The following ZDHHC21 variants were observed in gnomAD, a reference collection of about 807,000 sequenced individuals.
The protein encoded by ZDHHC21 is zDHHC palmitoyltransferase 21, also known as palmitoyltransferase ZDHHC21.
In ZDHHC21, 15 loss-of-function variants were observed where a neutral mutation model predicts 34.6. That is an observed-to-expected ratio of 0.43 (90% CI 0.29 to 0.67). ZDHHC21 has a LOEUF of 0.67. Among genes scored for constraint, ZDHHC21 ranks in the 30% least tolerant of loss-of-function variants. The pLI is 0.14. For synonymous variants in ZDHHC21, 142 were observed against 101.8 expected, an observed-to-expected ratio of 1.40 and a Z score of -2.38; for missense variants, 344 against 327.7, an observed-to-expected ratio of 1.05 and a Z score of -0.38.
chr9:14,674,125 C>A, intron 4 of ZDHHC21, 62 bp downstream of exon 4: 2 of 1,206,378 alleles, frequency 1.7e-6, no homozygotes, highest in Non-Finnish European at 2.2e-6. Context: ...TGGCACTACA[C>A]CCCAAAAACG....
intron 8 of ZDHHC21, among the ~76,000 whole-genome samples, chr9:14,628,744 T>C (rs1005251597): frequency 6.6e-6 from 1 of 152,208 alleles, no homozygotes; most frequent in Non-Finnish European, 1.5e-5. Flanking sequence ...TTTCTTGTAA[T>C]CTTAATTTTA....
At chr9:14,674,501 C>A in intron 3 of ZDHHC21, 116 bp from the exon 4 acceptor site, 5 of 561,252 alleles carry the variant, frequency 8.9e-6, no homozygotes, top group Non-Finnish European at 1.5e-5. Context: ...TTGACATTTT[C>A]TTTCTGTAGT....
In ZDHHC21 at chr9:14,613,130, A is replaced by T. The variant is rs1035325351; in HGVS notation, c.*5836T>A. The T allele has an allele frequency of 4.6e-5, 7 of 151,852 alleles. No homozygotes were observed. The highest frequency in any genetic ancestry group is 2.1e-4 in the South Asian group (1 of 4,826). 9.4% of individuals were successfully genotyped at this position (151,852 alleles called of 1,614,324 possible). ...TAAAATACAAAATTAAAATCCATAC[A>T]TGCCTACCTAAAAAAAAATCCAAAT... is the stretch of plus-strand genomic sequence containing the variant. On this transcript the variant is annotated 3_prime_UTR_variant, in exon 10 of 10. Coordinates refer to ENST00000380916, the MANE Select transcript of ZDHHC21 (RefSeq NM_178566.6).
chr9:14,616,296 A>G lies in ZDHHC21; in HGVS notation c.*2670T>C, dbSNP rs1370595769. The G allele has an allele frequency of 6.6e-6, 1 of 151,792 alleles. No homozygotes were observed. Among genetic ancestry groups the G allele is most frequent in the Non-Finnish European group, 1.5e-5 (1 of 67,768 alleles). The allele number at this position is 151,792 out of a possible 1,614,324, so 9.4% of individuals were successfully genotyped here. ...AATAAGGTTTAAAATAAAATACATA[A>G]AATGGCTTAGTTTATCCTAATCTGA... On this transcript the variant is annotated 3_prime_UTR_variant, in exon 10 of 10. Transcript: ENST00000380916.
At chr9:14,688,388 T>G (rs1257174162) in intron 2 of ZDHHC21, among the ~76,000 whole-genome samples, 1 of 150,840 alleles carries the variant, frequency 6.6e-6, no homozygotes. Context: ...AACTCCAGAA[T>G]GAAACAACGT....
chr9:14,685,357 G>GA (rs1475248138), intron 2 of ZDHHC21, among the ~76,000 whole-genome samples: 8 of 151,326 alleles, frequency 5.3e-5, no homozygotes, highest in African/African-American at 1.2e-4. Flanking sequence ...AAATTTACAA[G>GA]AAAAAAACAA....
chr9:14,684,038 G>C (rs10961662), intron 2 of ZDHHC21, among the ~76,000 whole-genome samples: 42,548 of 152,068 alleles, frequency 0.28, 6,406 homozygotes, highest in South Asian at 0.39. Context: ...ATTAGGTATT[G>C]AAGGGACGTA....
At chr9:14,602,699 C>T in the ZDHHC21 span, among the ~76,000 whole-genome samples, 3 of 151,762 alleles carry the variant, frequency 2.0e-5, no homozygotes, top group East Asian at 3.9e-4. Context: ...ATTGCTGAAA[C>T]GAAAAGAAAC....
chr9:14,650,787 G>C (rs1831111947), intron 7 of ZDHHC21, among the ~76,000 whole-genome samples: 1 of 151,940 alleles, frequency 6.6e-6, no homozygotes, highest in Non-Finnish European at 1.5e-5. Context: ...CCTAGCAGAA[G>C]AGTTGGCTAG....
At position 14,662,342 on chromosome 9, in the gene ZDHHC21, T is replaced by A. The variant is rs1381398540; in HGVS notation, c.254-16A>T. On this transcript the variant is annotated splice_polypyrimidine_tract_variant and intron_variant, in intron 5 of 9. Coordinates refer to ENST00000380916, the MANE Select transcript of ZDHHC21 (RefSeq NM_178566.6). Reference sequence around the variant, plus strand: ...AACTCCCTTTCTAAAGAAAAGAAATTAAAATCCATTTAATGAAGGCAAGTG... The same window carrying A: ...AACTCCCTTTCTAAAGAAAAGAAATAAAAATCCATTTAATGAAGGCAAGTG... 1.9e-6 allele frequency: 3 copies of A among 1,584,806 alleles called. No individual in the cohort carries two copies. Among genetic ancestry groups the A allele is most frequent in the South Asian group, 1.1e-5 (1 of 87,050 alleles).
rs1029464801 is a variant in ZDHHC21 at position 14,613,964 on chromosome 9, G to A, written c.*5002C>T. ...ACTAAAATATTTATAAAAGGCATCT[G>A]ACCAACTGAAGAGAAACCGCAATAT... is the stretch of plus-strand genomic sequence containing the variant. On this transcript the variant is annotated 3_prime_UTR_variant, in exon 10 of 10. Transcript: ENST00000380916. The A allele has an allele frequency of 2.0e-5, 3 of 151,698 alleles. No individual in the cohort carries two copies. Among genetic ancestry groups the A allele is most frequent in the East Asian group, 1.9e-4 (1 of 5,188 alleles). 9.4% of individuals were successfully genotyped at this position (151,698 alleles called of 1,614,324 possible).
chr9:14,602,695 G>A, the ZDHHC21 span, among the ~76,000 whole-genome samples: 1 of 152,084 alleles, frequency 6.6e-6, no homozygotes, highest in Admixed American at 6.6e-5. Flanking sequence ...TTAAATTGCT[G>A]AAACGAAAAG....
intron 8 of ZDHHC21, among the ~76,000 whole-genome samples, chr9:14,626,818 C>T (rs1197156505): frequency 1.3e-5 from 2 of 151,766 alleles, no homozygotes; most frequent in Non-Finnish European, 1.5e-5. Context: ...AAAGAAGGGA[C>T]ACTTTAAATT....
rs1823318001 is a variant in ZDHHC21, at chr9:14,611,641, A to C, written c.*7325T>G. The C allele has an allele frequency of 6.6e-6, 1 of 151,974 alleles. No individual in the cohort carries two copies. The highest frequency in any genetic ancestry group is 2.4e-5 in the African/African-American group (1 of 41,380). 9.4% of individuals were successfully genotyped at this position (151,974 alleles called of 1,614,324 possible). ...AGACAGAACTTGGGGTTCACACATA[A>C]TTTTAGGAGCCTCAAGAATAACATA... On this transcript the variant is annotated 3_prime_UTR_variant, in exon 10 of 10. Transcript: ENST00000380916.
At chr9:14,598,187 C>T in the ZDHHC21 span, among the ~76,000 whole-genome samples, 1 of 152,012 alleles carries the variant, frequency 6.6e-6, no homozygotes, top group Non-Finnish European at 1.5e-5. Context: ...ATGTATGCTG[C>T]CCAAAGACCC....
chr9:14,615,731 G>A lies in ZDHHC21; in HGVS notation c.*3235C>T, dbSNP rs989358561. 3 of 151,490 alleles carry A rather than the reference G, an allele frequency of 2.0e-5. No individual in the cohort carries two copies. The highest frequency in any genetic ancestry group is 3.0e-5 in the Non-Finnish European group (2 of 67,676). 9.4% of individuals were successfully genotyped at this position (151,490 alleles called of 1,614,324 possible). On this transcript the variant is annotated 3_prime_UTR_variant, in exon 10 of 10. Transcript: ENST00000380916. ...ATTTTTGTTTGCAGAAAACAACAAT[G>A]ACAAATATGATTGTTAAGGAGGTGT... is the stretch of plus-strand genomic sequence containing the variant.
the ZDHHC21 span, among the ~76,000 whole-genome samples, chr9:14,606,058 C>T: frequency 0.024 from 3,659 of 152,222 alleles, 86 homozygotes; most frequent in African/African-American, 0.056. Context: ...CCTTTCTAAA[C>T]AAGGTAATAA....
At chr9:14,671,531 C>A (rs983332605) in intron 5 of ZDHHC21, among the ~76,000 whole-genome samples, 4 of 151,990 alleles carry the variant, frequency 2.6e-5, no homozygotes, top group African/African-American at 9.7e-5. Flanking sequence ...GAATACATGA[C>A]CCTGATTACT....
At chr9:14,641,027 G>A (rs1587035096) in intron 7 of ZDHHC21, among the ~76,000 whole-genome samples, 1 of 152,136 alleles carries the variant, frequency 6.6e-6, no homozygotes, top group Admixed American at 6.5e-5. Context: ...CAAGTGGATG[G>A]AAAGGACACC....
Sources: allele counts gnomAD v4.1 joint callset (sites outside exome capture counted in the v4.1 genomes callset), GRCh38; gene constraint gnomAD v4.1.1; transcripts MANE v1.5; gene names NCBI Gene and HGNC (gene_info 2026-07-23, HGNC 2026-07-21).